KIAA0930: variants seen among roughly 807,000 people sequenced by gnomAD.
KIAA0930 encodes the protein KIAA0930, also known as uncharacterized protein KIAA0930.
In KIAA0930, 24 loss-of-function variants were observed where a neutral mutation model predicts 43.9. The ratio of observed to expected loss-of-function variants is 0.55; its 90% CI spans 0.40 to 0.77. The LOEUF (loss-of-function observed/expected upper bound fraction) is 0.77. Ranked by LOEUF, KIAA0930 falls within the 30% of genes least tolerant of loss-of-function variation. The pLI is 0.00. For missense variants in KIAA0930, 461 were observed against 574.2 expected (o/e 0.80, Z 2.02); for synonymous variants, 259 against 216.4 (o/e 1.20, Z -1.73).
In KIAA0930 at chr22:45,226,746, CTGAG is replaced by C. The variant is rs59601658; in HGVS notation, c.64+13890_64+13893del. The C allele has an allele frequency of 7.3e-3, 1,160 of 159,324 alleles. 12 individuals are homozygous for C. Among genetic ancestry groups the C allele is most frequent in the African/African-American group, 0.026 (1,075 of 41,770 alleles). The allele number at this position is 159,324 out of a possible 1,614,324, so 9.9% of individuals were successfully genotyped here. A position where few individuals can be genotyped will look rare whatever the true frequency, so the allele number is the denominator to read the frequency against. Reference sequence around the variant, plus strand: ...AGCTGACCGACCGACCGACCACTTCCTGAGTAATTTCTCAAGCTTCTCCTGACAC... The same window carrying C: ...AGCTGACCGACCGACCGACCACTTCCTAATTTCTCAAGCTTCTCCTGACAC... On this transcript the variant is annotated intron_variant, in intron 1 of 9. Coordinates refer to ENST00000336156, the MANE Select transcript of KIAA0930 (RefSeq NM_001009880.2).
intron 8 of KIAA0930, among the ~76,000 whole-genome samples, chr22:45,199,555 T>C (rs2083568162): frequency 6.6e-6 from 1 of 152,182 alleles, no homozygotes; most frequent in East Asian, 1.9e-4. Context: ...ACCCATCCGC[T>C]TTCTTCCTTA....
At chr22:45,220,368 T>A (rs2083760043) in intron 1 of KIAA0930, among the ~76,000 whole-genome samples, 1 of 151,942 alleles carries the variant, frequency 6.6e-6, no homozygotes, top group Admixed American at 6.6e-5. Context: ...AGCAGGAGAA[T>A]TGCTTGAATC....
intron 1 of KIAA0930, among the ~76,000 whole-genome samples, chr22:45,240,334 C>T (rs1461681915): frequency 1.3e-5 from 2 of 152,234 alleles, no homozygotes; most frequent in Non-Finnish European, 2.9e-5. Context: ...AGAAGACCCG[C>T]AGAGACACGA....
chr22:45,220,498 G>A (rs1379618783), intron 1 of KIAA0930, among the ~76,000 whole-genome samples: 2 of 152,002 alleles, frequency 1.3e-5, no homozygotes, highest in African/African-American at 4.8e-5. Context: ...TATCTATTTA[G>A]AGCTCAAAAG....
At chr22:45,198,029 C>T in intron 8 of KIAA0930, 81 bp from the exon 9 acceptor site, 1 of 1,453,208 alleles carries the variant, frequency 6.9e-7, no homozygotes, top group Non-Finnish European at 9.5e-7. Flanking sequence ...CCAGTCCAGG[C>T]TGAGGCCAAA....
At chr22:45,210,453 A>G (rs964954763) in intron 2 of KIAA0930, among the ~76,000 whole-genome samples, 1 of 152,108 alleles carries the variant, frequency 6.6e-6, no homozygotes, top group Non-Finnish European at 1.5e-5. Flanking sequence ...AAGGGCACTC[A>G]TATGGTCACA....
chr22:45,205,759 G>C (rs750141784), intron 3 of KIAA0930, 34 bp downstream of exon 3: 1 of 1,609,842 alleles, frequency 6.2e-7, no homozygotes, highest in African/African-American at 1.3e-5. Flanking sequence ...ATCCCACAGG[G>C]CCAATCCGCA....
intron 1 of KIAA0930, among the ~76,000 whole-genome samples, chr22:45,217,343 A>G (rs1220673115): frequency 7.5e-6 from 1 of 133,096 alleles, no homozygotes; most frequent in African/African-American, 2.9e-5. Context: ...CCTGGGAGAC[A>G]GAGCAAGACC....
In KIAA0930 at chr22:45,197,827, TAA is replaced by T; in HGVS notation, c.1135_1136del (p.Leu379AsnfsTer231). 2 of 1,614,198 alleles carry T rather than the reference TAA, an allele frequency of 1.2e-6. No homozygotes were observed. Among genetic ancestry groups the T allele is most frequent in the Non-Finnish European group, 1.7e-6 (2 of 1,180,034 alleles). ...GATGCAGCGGCAACGTGACGTAGGT[TAA>T]GTGTGCATAGAGAAGGAAGTTTCCA... ...ADGNFLLYAH[L>X]TYVTLPLHRI... is the part of the protein sequence containing the mutation. On this transcript the variant is annotated frameshift_variant, in exon 9 of 10. Coordinates refer to ENST00000336156, the MANE Select transcript of KIAA0930 (RefSeq NM_001009880.2). LOFTEE classifies it high-confidence loss of function.
Position 45,199,854 on chromosome 22 carries a change from G to T in KIAA0930, c.1015+19C>A, listed in dbSNP as rs779311799. 9.1e-5 allele frequency: 141 copies of T among 1,542,242 alleles called. No homozygotes were observed. Among genetic ancestry groups the T allele is most frequent in the Non-Finnish European group, 3.5e-5 (40 of 1,139,406 alleles). On this transcript the variant is annotated intron_variant, in intron 8 of 9. Coordinates refer to ENST00000336156, the MANE Select transcript of KIAA0930 (RefSeq NM_001009880.2). ...GACTGAAGGGCACGGGGACCCTAGGGCACGGAGTGGGGGGTCACCTCCACC... is the reference window on the plus strand; with the variant it reads ...GACTGAAGGGCACGGGGACCCTAGGTCACGGAGTGGGGGGTCACCTCCACC...
chr22:45,204,682 G>T (rs925441431), intron 5 of KIAA0930, among the ~76,000 whole-genome samples: 2 of 151,826 alleles, frequency 1.3e-5, no homozygotes, highest in African/African-American at 4.8e-5. Context: ...GGCAGAGCAG[G>T]GAGTGAGCTG....
At chr22:45,208,414 C>T (rs115089348) in intron 2 of KIAA0930, among the ~76,000 whole-genome samples, 977 of 90,168 alleles carry the variant, frequency 0.011, no homozygotes, top group Non-Finnish European at 0.015. Context: ...TCCACACACA[C>T]GAGCTGTGAG....
intron 1 of KIAA0930, among the ~76,000 whole-genome samples, chr22:45,227,245 T>C (rs552311203): frequency 6.6e-6 from 1 of 152,326 alleles, no homozygotes; most frequent in African/African-American, 2.4e-5. Flanking sequence ...GGCTCTGCCT[T>C]CCCAGGGGTC....
Position 45,203,119 on chromosome 22 carries a change from C to T in KIAA0930, c.723G>A (p.Glu241=), listed in dbSNP as rs2083604326. 6.2e-7 allele frequency: 1 copy of T among 1,613,636 alleles called. No homozygotes were observed. The highest frequency in any genetic ancestry group is 8.5e-7 in the Non-Finnish European group (1 of 1,179,846). The change falls in exon 7 of 10, where the codon GAG becomes GAA. Residue 241 remains glutamate (E), a synonymous_variant. Transcript: ENST00000336156. The part of the protein sequence containing the change: ...SFGFYKYSNM[E]FVRMKGPQGK... ...CCTGGGGGCCCTTCATGCGCACAAACTCCATGTTGCTGTACTTGTAGAAGC... is the reference window on the plus strand; with the variant it reads ...CCTGGGGGCCCTTCATGCGCACAAATTCCATGTTGCTGTACTTGTAGAAGC...
intron 9 of KIAA0930, 129 bp from the exon 10 acceptor site, chr22:45,197,345 A>G: frequency 1.3e-6 from 1 of 771,660 alleles, no homozygotes. Context: ...CAGGCCTCAC[A>G]GACTGCAGAG....
At chr22:45,235,558 A>G (rs571927164) in intron 1 of KIAA0930, 4 of 88,140 alleles carry the variant, frequency 4.5e-5, no homozygotes, top group Non-Finnish European at 9.1e-5. Flanking sequence ...CAAGGAGTGC[A>G]GGGAGAGCTT....
Position 45,212,103 on chromosome 22 carries a change from G to C in KIAA0930, c.69C>G (p.Cys23Trp). ...SLRREVCGLG[C>W]FKDDRIVFWT... ...AGAAGACGATGCGGTCATCCTTGAA[G>C]CACCCTGCAGAGGGAGGCCAGACAG... is the stretch of plus-strand genomic sequence containing the variant. Residue 23 changes from cysteine to tryptophan, a missense_variant, in exon 2 of 10, where the codon TGC (cysteine) becomes TGG (tryptophan). By Grantham distance (215) the Cys-to-Trp change is radical. Transcript: ENST00000336156. 1 of 1,613,762 alleles carries C rather than the reference G, an allele frequency of 6.2e-7. No homozygotes were observed. The highest frequency in any genetic ancestry group is 8.5e-7 in the Non-Finnish European group (1 of 1,179,948).
intron 2 of KIAA0930, among the ~76,000 whole-genome samples, chr22:45,209,855 G>A (rs552852073): frequency 2.0e-5 from 3 of 152,048 alleles, no homozygotes; most frequent in Admixed American, 6.6e-5. Flanking sequence ...CACTGACCTC[G>A]ACACCCCCAA....
intron 1 of KIAA0930, among the ~76,000 whole-genome samples, chr22:45,220,762 G>GT (rs2083762668): frequency 6.6e-6 from 1 of 152,044 alleles, no homozygotes; most frequent in Non-Finnish European, 1.5e-5. Context: ...TGTATTCTTT[G>GT]TAGAGGCAGG....
Sources: gnomAD v4.1 joint callset for allele counts (sites outside exome capture counted in the v4.1 genomes callset) on GRCh38, gnomAD v4.1.1 for gene constraint, MANE v1.5 for transcripts, NCBI Gene and HGNC (gene_info 2026-07-23, HGNC 2026-07-21) for gene names.